Variants in LIN7A observed in about 807,000 individuals in gnomAD.
The protein encoded by LIN7A is lin-7 cell polarity scaffold A.
LIN7A carries 25 observed loss-of-function variants against 29.8 expected under a neutral mutation model. The ratio of observed to expected loss-of-function variants is 0.84; its 90% confidence interval spans 0.61 to 1.17. LIN7A has a LOEUF of 1.17. Ranked by LOEUF, LIN7A falls within the 50% of genes most tolerant of loss-of-function variation. LIN7A has a pLI of 0.00. For synonymous variants in LIN7A, 118 were observed against 107.5 expected (o/e 1.10, Z -0.60); for missense variants, 239 against 287.0 (o/e 0.83, Z 1.21).
chr12:80,936,777 C>T (rs1324644838), intron 1 of LIN7A: 2 of 152,370 alleles, frequency 1.3e-5, no homozygotes, highest in East Asian at 3.9e-4. Flanking sequence ...TTTCCCCGTT[C>T]AAGTCAGAGA....
At chr12:80,833,697 T>A (rs572153575) in intron 4 of LIN7A, among the ~76,000 whole-genome samples, 3 of 152,232 alleles carry the variant, frequency 2.0e-5, no homozygotes, top group African/African-American at 7.2e-5. Context: ...TTCTTATATG[T>A]TTCTGTAGAT....
At chr12:80,896,543 TC>T (rs1411800027) in intron 1 of LIN7A, among the ~76,000 whole-genome samples, 1 of 152,342 alleles carries the variant, frequency 6.6e-6, no homozygotes, top group African/African-American at 2.4e-5. Flanking sequence ...AATCGATGTG[TC>T]CTACTCATCT....
chr12:80,902,217 G>GGTTTTTTTTTTTTTT (rs1876251078), intron 1 of LIN7A, among the ~76,000 whole-genome samples: 31 of 125,636 alleles, frequency 2.5e-4, no homozygotes, highest in African/African-American at 8.9e-4. Flanking sequence ...TGGTCTATGT[G>GGTTTTTTTTTTTTTT]TTTTTTTTTT....
At chr12:80,909,477 T>C (rs1876645601) in intron 1 of LIN7A, among the ~76,000 whole-genome samples, 1 of 152,150 alleles carries the variant, frequency 6.6e-6, no homozygotes, top group Non-Finnish European at 1.5e-5. Flanking sequence ...AATCATAAAA[T>C]TATTTCTCTC....
chr12:80,931,777 T>C (rs543266168), intron 1 of LIN7A, among the ~76,000 whole-genome samples: 1 of 152,180 alleles, frequency 6.6e-6, no homozygotes, highest in Non-Finnish European at 1.5e-5. Flanking sequence ...AGAGAAAATA[T>C]GAGAGAGCAA....
chr12:80,900,382 AT>A (rs1359632901), intron 1 of LIN7A, among the ~76,000 whole-genome samples: 1 of 152,122 alleles, frequency 6.6e-6, no homozygotes, highest in Non-Finnish European at 1.5e-5. Flanking sequence ...TCTTTCTAAC[AT>A]TTTGATGTGG....
At chr12:80,880,039 G>A (rs1458214786) in intron 2 of LIN7A, among the ~76,000 whole-genome samples, 1 of 152,188 alleles carries the variant, frequency 6.6e-6, no homozygotes, top group East Asian at 1.9e-4. Context: ...CTTTAAAAGA[G>A]TTTTGTAGTC....
chr12:80,888,525 T>C (rs1875453238), intron 2 of LIN7A, among the ~76,000 whole-genome samples: 2 of 152,142 alleles, frequency 1.3e-5, no homozygotes, highest in East Asian at 3.9e-4. Flanking sequence ...ACTGAGGATT[T>C]TGGCAGGGTA....
intron 2 of LIN7A, among the ~76,000 whole-genome samples, chr12:80,862,501 GT>G (rs1390612319): frequency 4.6e-5 from 7 of 152,134 alleles, no homozygotes; most frequent in Non-Finnish European, 1.0e-4. Flanking sequence ...TTTTATGAAT[GT>G]TTTTTGTTTA....
chr12:80,923,080 T>A (rs948020672), intron 1 of LIN7A, among the ~76,000 whole-genome samples: 1 of 152,126 alleles, frequency 6.6e-6, no homozygotes, highest in Non-Finnish European at 1.5e-5. Flanking sequence ...AGATCCACCC[T>A]CACCTAATGT....
chr12:80,921,552 G>T (rs1431474132), intron 1 of LIN7A, among the ~76,000 whole-genome samples: 1 of 136,766 alleles, frequency 7.3e-6, no homozygotes. Context: ...GCACAAAGGC[G>T]TTGGGGAGGG....
In LIN7A at chr12:80,812,414, A is replaced by G. The variant is rs928190700; in HGVS notation, c.484-731T>C. Among the ~76,000 whole-genome samples the G allele has an allele frequency of 6.5e-4, 98 of 149,966 alleles. 2 individuals carry two copies. The highest frequency in any genetic ancestry group is 1.1e-3 in the Admixed American group (16 of 14,898). ...ACAGGAAAAATAACCACGAAATCAG[A>G]TGTGCACAGTGTAAGTTTCTATGTC... On this transcript the variant is annotated intron_variant, in intron 4 of 5. Transcript: ENST00000552864.
At position 80,858,916 on chromosome 12, in the gene LIN7A, G is replaced by A. The variant is rs1455466766; in HGVS notation, c.202-10594C>T. Among the ~76,000 whole-genome samples the A allele has an allele frequency of 2.0e-5, 3 of 152,090 alleles. No individual in the cohort carries two copies. In the East Asian group the frequency reaches 5.8e-4, roughly 29 times the overall value. ...TGAATATATTATCCAGGAACAATTA[G>A]GGATACATTGTCATTGTCACAGGAG... On this transcript the variant is annotated intron_variant, in intron 2 of 5. Transcript: ENST00000552864.
At chr12:80,915,322 A>G (rs905502264) in intron 1 of LIN7A, among the ~76,000 whole-genome samples, 2 of 152,212 alleles carry the variant, frequency 1.3e-5, no homozygotes, top group Non-Finnish European at 2.9e-5. Flanking sequence ...ATGAGATACC[A>G]TCTCACACCA....
At chr12:80,904,768 G>A (rs540426429) in intron 1 of LIN7A, among the ~76,000 whole-genome samples, 1 of 152,290 alleles carries the variant, frequency 6.6e-6, no homozygotes, top group East Asian at 1.9e-4. Context: ...ATAATGAGAT[G>A]TCTTGGGGGT....
At chr12:80,847,984 T>C (rs1225274017) in intron 3 of LIN7A, 2 of 539,330 alleles carry the variant, frequency 3.7e-6, no homozygotes, top group Non-Finnish European at 6.8e-6. Flanking sequence ...TTTCACACAA[T>C]GAACCAGTAG....
In LIN7A at chr12:80,851,949, A is replaced by G. The variant is rs191347618; in HGVS notation, c.202-3627T>C. ...AGCTACTGAAAATTGAAAAAGATTA[A>G]CTTAAAAAAGCAATAAAATTATAGT... On this transcript the variant is annotated intron_variant, in intron 2 of 5. Transcript: ENST00000552864. 8.3e-3 allele frequency among the ~76,000 whole-genome samples: 1,259 copies of G among 152,288 alleles called. 20 individuals are homozygous for G. The highest frequency in any genetic ancestry group is 0.028 in the African/African-American group (1,183 of 41,566).
chr12:80,825,216 G>A (rs1872004855), intron 4 of LIN7A, among the ~76,000 whole-genome samples: 2 of 152,188 alleles, frequency 1.3e-5, no homozygotes, highest in South Asian at 4.1e-4. Context: ...AAAGGAAGGA[G>A]AGATCTGAGT....
chr12:80,868,663 G>C (rs1874269269), intron 2 of LIN7A, among the ~76,000 whole-genome samples: 1 of 152,170 alleles, frequency 6.6e-6, no homozygotes, highest in African/African-American at 2.4e-5. Context: ...TGTGTTACGT[G>C]TCTTTTGATG....
Sources: allele counts gnomAD v4.1 joint callset (sites outside exome capture counted in the v4.1 genomes callset), GRCh38; gene constraint gnomAD v4.1.1; transcripts MANE v1.5; gene names NCBI Gene and HGNC (gene_info 2026-07-23, HGNC 2026-07-21).